Variants in KIAA1549 observed in about 807,000 individuals in gnomAD.
KIAA1549 encodes the protein UPF0606 protein KIAA1549.
A neutral mutation model predicts 156.4 loss-of-function variants in KIAA1549; 70 were observed. The observed-to-expected ratio is 0.45, with a 90% CI of 0.37 to 0.55. The LOEUF (loss-of-function observed/expected upper bound fraction) is 0.55, where lower values mean the gene tolerates loss of function less well. Among genes scored for constraint, KIAA1549 ranks in the 20% least tolerant of loss-of-function variants. The probability of loss-of-function intolerance (pLI) is 0.00; values close to 1 mark genes in which losing one functional copy is unlikely to be tolerated. For synonymous variants in KIAA1549, 1,103 were observed against 1,066.4 expected, an observed-to-expected ratio of 1.03 and a Z score of -0.67; for missense variants, 2,428 against 2,540.9, an observed-to-expected ratio of 0.96 and a Z score of 0.96.
At chr7:138,974,919 C>T (rs947709552) in intron 1 of KIAA1549, among the ~76,000 whole-genome samples, 1 of 151,942 alleles carries the variant, frequency 6.6e-6, no homozygotes, top group African/African-American at 2.4e-5. Flanking sequence ...TCCAGGCTGA[C>T]TTAGCCTTCA....
chr7:138,943,315 G>A (rs1482216731), intron 1 of KIAA1549, among the ~76,000 whole-genome samples: 2 of 152,190 alleles, frequency 1.3e-5, no homozygotes, highest in Non-Finnish European at 2.9e-5. Flanking sequence ...CCAAATCCCT[G>A]CCAGAGAATC....
chr7:138,959,236 C>T (rs1208924798), intron 1 of KIAA1549, among the ~76,000 whole-genome samples: 3 of 152,186 alleles, frequency 2.0e-5, no homozygotes, highest in African/African-American at 4.8e-5. Context: ...ATCTGCTATA[C>T]ATTAATTCAT....
intron 9 of KIAA1549, among the ~76,000 whole-genome samples, chr7:138,896,920 G>A (rs1001303151): frequency 7.9e-5 from 12 of 151,966 alleles, no homozygotes; most frequent in Non-Finnish European, 1.8e-4. Context: ...TCTAACCTAG[G>A]AAAACCCTGA....
chr7:138,966,816 A>G (rs1814038271), intron 1 of KIAA1549, among the ~76,000 whole-genome samples: 1 of 152,150 alleles, frequency 6.6e-6, no homozygotes, highest in South Asian at 2.1e-4. Context: ...AGAAGCTGGG[A>G]GATAGGCCTG....
chr7:138,903,352 C>A (rs1231276846), intron 8 of KIAA1549, among the ~76,000 whole-genome samples: 1 of 152,172 alleles, frequency 6.6e-6, no homozygotes, highest in Non-Finnish European at 1.5e-5. Context: ...TCTGCAAGGT[C>A]TATTGTTATA....
intron 1 of KIAA1549, among the ~76,000 whole-genome samples, chr7:138,957,500 T>C (rs1403742991): frequency 6.7e-6 from 1 of 148,750 alleles, no homozygotes; most frequent in Non-Finnish European, 1.5e-5. Flanking sequence ...CTTTTTGAGA[T>C]GAAGTCTCGC....
intron 1 of KIAA1549, among the ~76,000 whole-genome samples, chr7:138,971,570 G>GCA (rs966991416): frequency 9.9e-4 from 150 of 152,014 alleles, no homozygotes; most frequent in African/African-American, 3.5e-3. Flanking sequence ...TTCACTCCTT[G>GCA]CACACACACA....
At chr7:138,869,831 A>C in intron 13 of KIAA1549, 70 bp from the exon 14 acceptor site, 3 of 1,023,188 alleles carry the variant, frequency 2.9e-6, no homozygotes, top group Non-Finnish European at 4.3e-6. Context: ...CACACTTCGC[A>C]AAGTCTTTAT....
At chr7:138,853,335 C>T (rs1810288274) in intron 16 of KIAA1549, among the ~76,000 whole-genome samples, 1 of 152,170 alleles carries the variant, frequency 6.6e-6, no homozygotes, top group East Asian at 1.9e-4. Context: ...AAAGTACTCA[C>T]TGCCTCTGTT....
intron 10 of KIAA1549, among the ~76,000 whole-genome samples, chr7:138,887,941 C>G (rs1388907624): frequency 6.6e-6 from 1 of 152,226 alleles, no homozygotes; most frequent in Non-Finnish European, 1.5e-5. Flanking sequence ...GAACAGTTCA[C>G]TCCCGCAGAA....
chr7:138,978,516 T>G (rs1814445871), intron 1 of KIAA1549, among the ~76,000 whole-genome samples: 1 of 152,002 alleles, frequency 6.6e-6, no homozygotes, highest in Admixed American at 6.6e-5. Context: ...AAATGCTGAA[T>G]GAAATACAAA....
At chr7:138,891,629 C>T (rs58693122) in intron 10 of KIAA1549, among the ~76,000 whole-genome samples, 6 of 152,042 alleles carry the variant, frequency 3.9e-5, no homozygotes, top group Admixed American at 1.3e-4. Context: ...CTTCTCGTTA[C>T]GAGGGGAAGG....
chr7:138,931,973 G>T (rs894722406), intron 1 of KIAA1549, among the ~76,000 whole-genome samples: 1 of 152,038 alleles, frequency 6.6e-6, no homozygotes, highest in Non-Finnish European at 1.5e-5. Flanking sequence ...GAGGTGTGTG[G>T]TGGGGAGGCG....
chr7:138,896,448 T>C (rs1352379027), intron 9 of KIAA1549, among the ~76,000 whole-genome samples: 2 of 152,162 alleles, frequency 1.3e-5, no homozygotes, highest in African/African-American at 2.4e-5. Flanking sequence ...AGTGAAAAAC[T>C]TGTGTTTTTT....
At chr7:138,973,655 T>C (rs1255865269) in intron 1 of KIAA1549, among the ~76,000 whole-genome samples, 3 of 151,994 alleles carry the variant, frequency 2.0e-5, no homozygotes, top group Non-Finnish European at 4.4e-5. Context: ...TTAACAAGCT[T>C]TTTTTTTGTT....
At position 138,981,296 on chromosome 7, in the gene KIAA1549, C is replaced by A; in HGVS notation, c.-27G>T. 1.1e-6 allele frequency: 1 copy of A among 942,526 alleles called. No homozygotes were observed. Among genetic ancestry groups the A allele is most frequent in the African/African-American group, 1.8e-5 (1 of 56,060 alleles). 58.4% of individuals were successfully genotyped at this position (942,526 alleles called of 1,614,324 possible). On this transcript the variant is annotated 5_prime_UTR_variant, in exon 1 of 20. Transcript: ENST00000422774. This position sits in a 1 kb window ranked among gnomAD's most constrained non-coding sequence, Gnocchi z 4.5. Reference sequence around the variant, plus strand: ...CCCGGCCGGCGCCCCGGCCCGGCCTCGCGGCTCAGCGGCTCTCGGGTCCGG... The same window carrying A: ...CCCGGCCGGCGCCCCGGCCCGGCCTAGCGGCTCAGCGGCTCTCGGGTCCGG...
At chr7:138,931,520 G>A (rs561921375) in intron 1 of KIAA1549, among the ~76,000 whole-genome samples, 58 of 152,250 alleles carry the variant, frequency 3.8e-4, no homozygotes, top group African/African-American at 1.3e-3. Context: ...GGGAGGCCGA[G>A]GTGGGTGGAT....
intron 1 of KIAA1549, among the ~76,000 whole-genome samples, chr7:138,939,868 C>T (rs1285086071): frequency 6.6e-6 from 1 of 152,080 alleles, no homozygotes; most frequent in Non-Finnish European, 1.5e-5. Flanking sequence ...ATATTCCAGC[C>T]GGGCGTGGTG....
At chr7:138,921,118 C>T (rs867092181) in intron 1 of KIAA1549, among the ~76,000 whole-genome samples, 1 of 152,154 alleles carries the variant, frequency 6.6e-6, no homozygotes. Flanking sequence ...AAGGAAAGAA[C>T]CCAACTGAAG....
Sources: gnomAD v4.1 joint callset for allele counts (sites outside exome capture counted in the v4.1 genomes callset) on GRCh38, gnomAD v4.1.1 for gene constraint, Gnocchi (gnomAD v3.1) non-coding constraint, MANE v1.5 for transcripts, NCBI Gene and HGNC (gene_info 2026-07-23, HGNC 2026-07-21) for gene names.